Variants in SIPA1L1 observed in about 807,000 individuals in gnomAD.
SIPA1L1 encodes the protein signal induced proliferation associated 1 like 1.
In SIPA1L1, 26 loss-of-function variants were observed where a neutral mutation model predicts 162.7. The observed-to-expected ratio is 0.16, with a 90% confidence interval of 0.12 to 0.22. The LOEUF (loss-of-function observed/expected upper bound fraction) is 0.22, where lower values mean the gene tolerates loss of function less well. Among genes scored for constraint, SIPA1L1 ranks in the 10% least tolerant of loss-of-function variants. The probability of loss-of-function intolerance (pLI) is 1.00; values close to 1 mark genes in which losing one functional copy is unlikely to be tolerated. For missense variants in SIPA1L1, 1,874 were observed against 2,241.0 expected (o/e 0.84, Z 3.31); for synonymous variants, 829 against 837.4 (o/e 0.99, Z 0.17).
rs1391393911 is a variant in SIPA1L1, at chr14:71,733,840, G to A, written c.5008+28G>A. 7 of 1,605,810 alleles carry A rather than the reference G, an allele frequency of 4.4e-6. No individual in the cohort carries two copies. In the South Asian group the frequency reaches 6.6e-5, roughly 15 times the overall value. Reference sequence around the variant, plus strand: ...GAGTCCACTGAATCCACACAAGACAGCCCAGGATCCTGCAGCGGAGTGAGC... The same window carrying A: ...GAGTCCACTGAATCCACACAAGACAACCCAGGATCCTGCAGCGGAGTGAGC... On this transcript the variant is annotated intron_variant, in intron 21 of 23. Coordinates refer to ENST00000381232, the MANE Select transcript of SIPA1L1 (RefSeq NM_001386936.1).
At chr14:71,603,283 TA>T (rs2037011619) in intron 5 of SIPA1L1, among the ~76,000 whole-genome samples, 2 of 152,120 alleles carry the variant, frequency 1.3e-5, no homozygotes, top group South Asian at 2.1e-4. Flanking sequence ...ATCATATATA[TA>T]TTTTTTTTCA....
In SIPA1L1 at chr14:71,736,251, T is replaced by C. The variant is rs2152863982; in HGVS notation, c.5123+860T>C. On this transcript the variant is annotated intron_variant, in intron 22 of 23. Coordinates refer to ENST00000381232, the MANE Select transcript of SIPA1L1 (RefSeq NM_001386936.1). The stretch of plus-strand genomic sequence containing the variant: ...TCTCTACTAAAAATACAAAAAATTA[T>C]CTGGGCATGGTGGTGCACACCTGTA... Among the ~76,000 whole-genome samples, 2 of 151,686 alleles carry C rather than the reference T, an allele frequency of 1.3e-5. 1 individual carries two copies. Among genetic ancestry groups the C allele is most frequent in the South Asian group, 4.2e-4 (2 of 4,810 alleles).
intron 7 of SIPA1L1, among the ~76,000 whole-genome samples, chr14:71,631,366 A>G (rs1031914014): frequency 4.6e-5 from 7 of 152,176 alleles, no homozygotes; most frequent in African/African-American, 7.2e-5. Flanking sequence ...GCATAGTAGC[A>G]TAGTATTTTG....
At chr14:71,438,330 C>T (rs1395287985) in intron 2 of SIPA1L1, among the ~76,000 whole-genome samples, 1 of 152,120 alleles carries the variant, frequency 6.6e-6, no homozygotes, top group Non-Finnish European at 1.5e-5. Context: ...ATTGCACGTC[C>T]TTGATGAGTG....
At chr14:71,495,200 G>A (rs1327922910) in intron 2 of SIPA1L1, among the ~76,000 whole-genome samples, 1 of 152,102 alleles carries the variant, frequency 6.6e-6, no homozygotes, top group Admixed American at 6.6e-5. Context: ...TGAAGAATTG[G>A]CATTGTTTCT....
chr14:71,706,100 A>G (rs1375020444), intron 16 of SIPA1L1, among the ~76,000 whole-genome samples: 2 of 152,156 alleles, frequency 1.3e-5, no homozygotes, highest in Non-Finnish European at 2.9e-5. Context: ...AGAACTTTAA[A>G]TGAGAGATGC....
intron 2 of SIPA1L1, among the ~76,000 whole-genome samples, chr14:71,354,461 G>T (rs146270723): frequency 6.6e-6 from 1 of 151,966 alleles, no homozygotes; most frequent in Non-Finnish European, 1.5e-5. Flanking sequence ...TATTTTTGTA[G>T]AGGGGGGGTT....
intron 2 of SIPA1L1, among the ~76,000 whole-genome samples, chr14:71,372,605 C>T (rs2038997651): frequency 6.6e-6 from 1 of 152,122 alleles, no homozygotes; most frequent in South Asian, 2.1e-4. Flanking sequence ...ATATTGACAT[C>T]ACATTCCTTG....
At chr14:71,562,385 T>C (rs888084384) in intron 4 of SIPA1L1, among the ~76,000 whole-genome samples, 1 of 152,200 alleles carries the variant, frequency 6.6e-6, no homozygotes, top group African/African-American at 2.4e-5. Flanking sequence ...AATTTTATTA[T>C]TAAATGCTTA....
chr14:71,434,502 C>T (rs1595443404), intron 2 of SIPA1L1, among the ~76,000 whole-genome samples: 1 of 152,306 alleles, frequency 6.6e-6, no homozygotes, highest in East Asian at 1.9e-4. Flanking sequence ...TCAGATTTCA[C>T]CTGTTTTTCT....
At chr14:71,692,584 T>C (rs1418503332) in intron 13 of SIPA1L1, among the ~76,000 whole-genome samples, 1 of 152,254 alleles carries the variant, frequency 6.6e-6, no homozygotes, top group African/African-American at 2.4e-5. Flanking sequence ...TTTTAGATGA[T>C]ACTGCAACAG....
intron 2 of SIPA1L1, among the ~76,000 whole-genome samples, chr14:71,470,014 G>A (rs570760718): frequency 2.3e-4 from 35 of 152,268 alleles, no homozygotes; most frequent in African/African-American, 8.2e-4. Context: ...GTGGTGCTTG[G>A]CAGACCCTTT....
chr14:71,564,168 T>C (rs1305340361), intron 4 of SIPA1L1, among the ~76,000 whole-genome samples: 1 of 152,036 alleles, frequency 6.6e-6, no homozygotes, highest in Non-Finnish European at 1.5e-5. Context: ...AGATTGGTCT[T>C]GAACTCCTGG....
chr14:71,368,161 T>C (rs988661464), intron 2 of SIPA1L1, among the ~76,000 whole-genome samples: 1 of 139,730 alleles, frequency 7.2e-6, no homozygotes, highest in Non-Finnish European at 1.6e-5. Context: ...TTTTTCTTTC[T>C]TTTTTTTTTT....
intron 4 of SIPA1L1, among the ~76,000 whole-genome samples, chr14:71,567,493 A>G (rs1325684609): frequency 6.6e-6 from 1 of 152,250 alleles, no homozygotes; most frequent in Non-Finnish European, 1.5e-5. Flanking sequence ...TTATGTAGAA[A>G]GTAAAGGAAT....
chr14:71,578,257 G>A (rs953051379), intron 4 of SIPA1L1, among the ~76,000 whole-genome samples: 12 of 151,878 alleles, frequency 7.9e-5, no homozygotes, highest in African/African-American at 2.7e-4. Flanking sequence ...TTTGTTTGAG[G>A]TCTTGCTTTG....
chr14:71,338,743 T>C (rs1253467637), intron 2 of SIPA1L1, among the ~76,000 whole-genome samples: 1 of 151,994 alleles, frequency 6.6e-6, no homozygotes, highest in Non-Finnish European at 1.5e-5. Flanking sequence ...TTTTTATTTA[T>C]TATTATTATT....
chr14:71,687,159 T>A (rs1339513527), intron 13 of SIPA1L1, among the ~76,000 whole-genome samples: 5 of 152,240 alleles, frequency 3.3e-5, no homozygotes, highest in Non-Finnish European at 5.9e-5. Flanking sequence ...CATAGTCATC[T>A]TTCTACAACT....
intron 18 of SIPA1L1, 23 bp from the exon 19 acceptor site, chr14:71,724,647 C>T: frequency 6.2e-7 from 1 of 1,603,102 alleles, no homozygotes. Flanking sequence ...TGGTATCTAT[C>T]ATCTCTTCCC....
Sources: gnomAD v4.1 joint callset for allele counts (sites outside exome capture counted in the v4.1 genomes callset) on GRCh38, gnomAD v4.1.1 for gene constraint, MANE v1.5 for transcripts, NCBI Gene and HGNC (gene_info 2026-07-23, HGNC 2026-07-21) for gene names.